Variants in MAPT observed in about 807,000 individuals in gnomAD.
MAPT encodes the protein microtubule associated protein tau, also known as microtubule-associated protein tau.
Under a neutral mutation model 67.9 loss-of-function variants are expected in MAPT, and 34 were observed. The ratio of observed to expected loss-of-function variants is 0.50; its 90% confidence interval spans 0.38 to 0.67. The LOEUF (loss-of-function observed/expected upper bound fraction) is 0.67. Ranked by LOEUF, MAPT falls within the 30% of genes least tolerant of loss-of-function variation. MAPT has a pLI of 0.00. For synonymous variants in MAPT, 456 were observed against 464.5 expected, an observed-to-expected ratio of 0.98 and a Z score of 0.23; for missense variants, 881 against 1,115.2, an observed-to-expected ratio of 0.79 and a Z score of 2.99.
At chr17:45,938,070 G>GT (rs1485203188) in intron 1 of MAPT, among the ~76,000 whole-genome samples, 1 of 152,128 alleles carries the variant, frequency 6.6e-6, no homozygotes, top group African/African-American at 2.4e-5. Context: ...TAAAGTACTA[G>GT]TCCACATTAA....
intron 1 of MAPT, among the ~76,000 whole-genome samples, chr17:45,956,588 ATATATATATATATT>A (rs1348068466): frequency 3.2e-3 from 19 of 5,946 alleles, no homozygotes; most frequent in African/African-American, 6.2e-3. Context: ...ATATATATAT[ATATATATATATATT>A]TTTTATTATT....
At chr17:45,907,574 C>A (rs2064410988) in intron 1 of MAPT, 1 of 152,190 alleles carries the variant, frequency 6.6e-6, no homozygotes, top group African/African-American at 2.4e-5. Flanking sequence ...ATCAAACAGG[C>A]CAATGTCAAA....
chr17:45,943,682 C>T (rs117224340), intron 1 of MAPT, among the ~76,000 whole-genome samples: 2,628 of 152,254 alleles, frequency 0.017, 31 homozygotes, highest in Middle Eastern at 0.058. Flanking sequence ...CCCCACTGCT[C>T]CTGGGTGCAT....
chr17:45,983,145 C>T lies in MAPT; in HGVS notation c.566C>T (p.Pro189Leu), dbSNP rs375008883. The change falls in exon 5 of 13, where the codon CCG becomes CTG. Residue 189 changes from proline (P) to leucine (L), a missense_variant. This residue lies in a region of MAPT where 687 missense variants were observed against 766.1 expected (regional missense o/e 0.90). Transcript: ENST00000262410. ...GDWAEKGPAF[P>L]KPATTAYLHT... ...TGGGCCGAGAAGGGTCCGGCCTTTCCGAAGCCCGCCACCACTGCGTATCTC... is the reference window on the plus strand; with the variant it reads ...TGGGCCGAGAAGGGTCCGGCCTTTCTGAAGCCCGCCACCACTGCGTATCTC... 24 of 1,594,674 alleles carry T rather than the reference C, an allele frequency of 1.5e-5. No individual in the cohort carries two copies. The highest frequency in any genetic ancestry group is 4.0e-5 in the African/African-American group (3 of 74,872).
rs1206407374 is a variant in MAPT at position 46,023,833 on chromosome 17, C to T, written c.2287-123C>T. 8 of 800,794 alleles carry T rather than the reference C, an allele frequency of 1.0e-5. No individual in the cohort carries two copies. In the Admixed American group the frequency reaches 1.6e-4, roughly 16 times the overall value. The allele number at this position is 800,794 out of a possible 1,614,324, so 49.6% of individuals were successfully genotyped here. ...TCTAGCCTGGGCGATAGAGCAAGACCCTGTCTCAAAAACAAACAAAAAACA... is the reference window on the plus strand; with the variant it reads ...TCTAGCCTGGGCGATAGAGCAAGACTCTGTCTCAAAAACAAACAAAAAACA... On this transcript the variant is annotated intron_variant, in intron 12 of 12. Transcript: ENST00000262410.
chr17:45,949,355 G>A (rs1378441540), intron 1 of MAPT, among the ~76,000 whole-genome samples: 1 of 152,246 alleles, frequency 6.6e-6, no homozygotes, highest in African/African-American at 2.4e-5. Context: ...CCGCGGTGTA[G>A]GAGACCAGCC....
chr17:45,969,616 T>C (rs1042333101), intron 2 of MAPT, among the ~76,000 whole-genome samples: 3 of 138,488 alleles, frequency 2.2e-5, no homozygotes, highest in Non-Finnish European at 3.4e-5. Context: ...CATCCAATCA[T>C]ATATCTGTAC....
At chr17:45,934,294 A>G (rs2067126412) in intron 1 of MAPT, among the ~76,000 whole-genome samples, 1 of 152,146 alleles carries the variant, frequency 6.6e-6, no homozygotes, top group East Asian at 1.9e-4. Flanking sequence ...AGTTATTTTC[A>G]CGCCACTGCC....
intron 9 of MAPT, among the ~76,000 whole-genome samples, chr17:46,009,301 G>A (rs1054805873): frequency 5.3e-5 from 8 of 152,228 alleles, no homozygotes; most frequent in Non-Finnish European, 7.3e-5. Context: ...CGTTCTCACT[G>A]ATCTGGCAGA....
At chr17:45,969,476 A>G (rs2071418989) in intron 2 of MAPT, among the ~76,000 whole-genome samples, 1 of 151,348 alleles carries the variant, frequency 6.6e-6, no homozygotes, top group Non-Finnish European at 1.5e-5. Context: ...CCCTTCATCC[A>G]TCCCATCATC....
chr17:45,949,098 T>C (rs1339393354), intron 1 of MAPT, among the ~76,000 whole-genome samples: 1 of 152,266 alleles, frequency 6.6e-6, no homozygotes, highest in Non-Finnish European at 1.5e-5. Flanking sequence ...TTCCCTGTCC[T>C]TGATTCCAGT....
intron 1 of MAPT, among the ~76,000 whole-genome samples, chr17:45,960,315 G>C (rs1183119578): frequency 6.6e-6 from 1 of 152,262 alleles, no homozygotes; most frequent in Non-Finnish European, 1.5e-5. Flanking sequence ...GAACAGCAGA[G>C]CCGTTTTAGG....
chr17:46,021,656 C>T (rs919811289), intron 12 of MAPT, among the ~76,000 whole-genome samples: 1 of 152,200 alleles, frequency 6.6e-6, no homozygotes, highest in Non-Finnish European at 1.5e-5. Flanking sequence ...AAATGCTGTA[C>T]CTACGTCCCG....
intron 1 of MAPT, among the ~76,000 whole-genome samples, chr17:45,917,311 A>T (rs981474100): frequency 6.6e-6 from 1 of 152,238 alleles, no homozygotes; most frequent in African/African-American, 2.4e-5. Flanking sequence ...GTCACCTCTC[A>T]TAAGAGCTAG....
rs149505265 is a variant in MAPT, at chr17:45,915,858, G to A, written c.-18+21172G>A. On this transcript the variant is annotated intron_variant, in intron 1 of 12. Transcript: ENST00000262410. The surrounding 1 kb of genome is among the most constrained non-coding windows in gnomAD (Gnocchi z 4.4). The stretch of plus-strand genomic sequence containing the variant: ...GTGAGGCTGACTGATGTCATTTGAC[G>A]ATCTTGATGCCAAATCCTTTTATAT... Among the ~76,000 whole-genome samples the A allele has an allele frequency of 7.5e-4, 114 of 152,250 alleles. No individual in the cohort carries two copies. The highest frequency in any genetic ancestry group is 2.6e-3 in the African/African-American group (106 of 41,532).
chr17:45,907,537 T>C (rs2064408178), intron 1 of MAPT: 1 of 152,224 alleles, frequency 6.6e-6, no homozygotes, highest in African/African-American at 2.4e-5. Context: ...CAAAACCCTC[T>C]TTATTAACAC....
At chr17:45,908,567 C>T (rs2064499868) in intron 1 of MAPT, among the ~76,000 whole-genome samples, 1 of 152,146 alleles carries the variant, frequency 6.6e-6, no homozygotes, top group African/African-American at 2.4e-5. Flanking sequence ...TTTACTTTCC[C>T]CATGTCTACA....
chr17:45,990,172 C>T (rs2073947335), intron 7 of MAPT, 97 bp downstream of exon 7: 1 of 1,120,746 alleles, frequency 8.9e-7, no homozygotes, highest in Non-Finnish European at 1.3e-6. Flanking sequence ...GACCTTTCTT[C>T]AAATGAGTTC....
In MAPT at chr17:46,026,337, C is replaced by T. The variant is rs552535918; in HGVS notation, c.*2166C>T. ...CTGAAGCACAGGATTAGGACTGAAG[C>T]GATGATGTCCCCTTCCCTACTTCCC... On this transcript the variant is annotated 3_prime_UTR_variant, in exon 13 of 13. Transcript: ENST00000262410. The T allele has an allele frequency of 3.3e-5, 5 of 152,766 alleles. No homozygotes were observed. Among genetic ancestry groups the T allele is most frequent in the East Asian group, 1.9e-4 (1 of 5,164 alleles). 9.5% of individuals were successfully genotyped at this position (152,766 alleles called of 1,614,324 possible).
Sources: allele counts gnomAD v4.1 joint callset (sites outside exome capture counted in the v4.1 genomes callset), GRCh38; gene constraint gnomAD v4.1.1; regional missense constraint gnomAD v4.1.1; non-coding constraint Gnocchi (gnomAD v3.1); transcripts MANE v1.5; gene names NCBI Gene and HGNC (gene_info 2026-07-23, HGNC 2026-07-21).